The following RNF31 variants were observed in gnomAD, a reference collection of about 807,000 sequenced individuals.
RNF31 encodes the protein ring finger protein 31.
A neutral mutation model predicts 133.6 loss-of-function variants in RNF31; 38 were observed. That is an observed-to-expected ratio of 0.28 (90% CI 0.22 to 0.37). The LOEUF is 0.37. Ranked by LOEUF, RNF31 falls within the 10% of genes least tolerant of loss-of-function variation. The pLI, the probability that RNF31 is intolerant of heterozygous loss-of-function variation, is 1.00. For missense variants in RNF31, 1,118 were observed against 1,394.1 expected, an observed-to-expected ratio of 0.80 and a Z score of 3.15; for synonymous variants, 582 against 552.3, an observed-to-expected ratio of 1.05 and a Z score of -0.75.
chr14:24,150,029 T>G (rs2038238491), intron 6 of RNF31, 32 bp from the exon 7 acceptor site: 1 of 1,523,280 alleles, frequency 6.6e-7, no homozygotes, highest in South Asian at 1.3e-5. Flanking sequence ...CAGGTGCCAC[T>G]TCAGCAGGCC....
At chr14:24,149,106 G>T (rs2038224107) in intron 5 of RNF31, 1 of 602,160 alleles carries the variant, frequency 1.7e-6, no homozygotes, top group Admixed American at 3.0e-5. Context: ...TGGGATTACA[G>T]GCATGCGCCA....
chr14:24,157,761 C>T (rs1430564625), intron 16 of RNF31, 123 bp downstream of exon 16: 6 of 1,089,314 alleles, frequency 5.5e-6, no homozygotes, highest in Non-Finnish European at 8.4e-6. Context: ...AAGCACAACT[C>T]TCTGTCCCCT....
At chr14:24,149,631 G>A in intron 6 of RNF31, 48 bp downstream of exon 6, 1 of 1,561,048 alleles carries the variant, frequency 6.4e-7, no homozygotes, top group Non-Finnish European at 8.7e-7. Context: ...GAGAACTTAA[G>A]ATCACTTGAT....
rs369096849 is a variant in RNF31 at position 24,157,599 on chromosome 14, G to T, written c.2688G>T (p.Gln896His). 1 of 1,614,046 alleles carries T rather than the reference G, an allele frequency of 6.2e-7. No individual in the cohort carries two copies. The highest frequency in any genetic ancestry group is 8.5e-7 in the Non-Finnish European group (1 of 1,180,036). Residue 896 changes from glutamine to histidine, a missense_variant, in exon 16 of 21, where the codon CAG becomes CAT. Around this residue, in one of 3 missense-constraint regions of RNF31, gnomAD observed 201 missense variants for 371.7 expected, o/e 0.54. Transcript: ENST00000324103. The stretch of plus-strand genomic sequence containing the variant: ...TTCACTGTACCCAGTGCCGCCACCA[G>T]TTCTGCAGCGGCTGCTACAATGCCT... ...MHFHCTQCRH[Q>H]FCSGCYNAFY...
At position 24,155,832 on chromosome 14, in the gene RNF31, C is replaced by A; in HGVS notation, c.2493+140C>A. On this transcript the variant is annotated intron_variant, in intron 14 of 20. Coordinates refer to ENST00000324103, the MANE Select transcript of RNF31 (RefSeq NM_017999.5). The surrounding 1 kb of genome is among the most constrained non-coding windows in gnomAD (Gnocchi z 4.9). ...AGAGCTTACAGACTACTCAGAAAGA[C>A]TAGGCACAAGGAGAAAGGGAAGCAG... 6 of 663,600 alleles carry A rather than the reference C, an allele frequency of 9.0e-6. No homozygotes were observed. The highest frequency in any genetic ancestry group is 1.3e-5 in the Non-Finnish European group (5 of 379,304). The allele number at this position is 663,600 out of a possible 1,614,324, so 41.1% of individuals were successfully genotyped here.
chr14:24,148,091 C>A lies in RNF31; in HGVS notation c.308C>A (p.Pro103His), dbSNP rs766936649. 1.9e-5 allele frequency: 31 copies of A among 1,614,102 alleles called. No homozygotes were observed. The highest frequency in any genetic ancestry group is 2.5e-5 in the Non-Finnish European group (30 of 1,180,052). The change falls in exon 2 of 21, where the codon CCT (proline) becomes CAT (histidine). Residue 103 changes from proline (P) to histidine (H), a missense_variant. By Grantham distance (77) the Pro-to-His change is moderately conservative (BLOSUM62 -2). Transcript: ENST00000324103. The part of the protein sequence containing the change: ...RYWRGVKFNN[P>H]VFRSTVDAVQ... The stretch of plus-strand genomic sequence containing the variant: ...TGGCGTGGTGTCAAGTTTAATAACC[C>A]TGTCTTTCGCAGCACGGTGGATGCT...
chr14:24,147,947 T>C lies in RNF31; in HGVS notation c.193-29T>C. ...CCAGGGCCTGAGGCCCAGGCCACGCTCACACCTCTCTGCTCTCCTTGCTCC... is the reference window on the plus strand; with the variant it reads ...CCAGGGCCTGAGGCCCAGGCCACGCCCACACCTCTCTGCTCTCCTTGCTCC... On this transcript the variant is annotated intron_variant, in intron 1 of 20. Coordinates refer to ENST00000324103, the MANE Select transcript of RNF31 (RefSeq NM_017999.5). 3 of 1,614,014 alleles carry C rather than the reference T, an allele frequency of 1.9e-6. No individual in the cohort carries two copies. In the South Asian group the frequency reaches 3.3e-5, roughly 18 times the overall value.
intron 14 of RNF31, 70 bp from the exon 15 acceptor site, chr14:24,157,220 G>A: frequency 8.5e-7 from 1 of 1,174,314 alleles, no homozygotes; most frequent in Non-Finnish European, 1.2e-6. Flanking sequence ...GGATGTGAGT[G>A]GAGGGGCCAG....
chr14:24,157,608 C>T lies in RNF31; in HGVS notation c.2697C>T (p.Ser899=), dbSNP rs748945577. Residue 899 remains serine, a synonymous_variant, in exon 16 of 21, where the codon AGC becomes AGT. Transcript: ENST00000324103. The stretch of plus-strand genomic sequence containing the variant: ...CCCAGTGCCGCCACCAGTTCTGCAG[C>T]GGCTGCTACAATGCCTTTTACGCCA... ...HCTQCRHQFC[S]GCYNAFYAKN... The T allele has an allele frequency of 1.3e-5, 21 of 1,613,946 alleles. No individual in the cohort carries two copies. The highest frequency in any genetic ancestry group is 2.2e-5 in the South Asian group (2 of 91,088).
rs370396258 is a variant in RNF31, at chr14:24,158,029, GAGA to G, written c.2841+25_2841+27del. The stretch of plus-strand genomic sequence containing the variant: ...TGCTACAGGTCAGAGGTGGCCAGGA[GAGA>G]AGAAGACAGGGCCCAGGGTGGGCAA... On this transcript the variant is annotated intron_variant, in intron 17 of 20. Transcript: ENST00000324103. 2,791 of 1,613,390 alleles carry G rather than the reference GAGA, an allele frequency of 1.7e-3. 29 individuals carry two copies. In the African/African-American group the frequency reaches 0.025, roughly 14 times the overall value.
At chr14:24,148,192 G>T in intron 2 of RNF31, 66 bp from the exon 3 acceptor site, 2 of 1,613,062 alleles carry the variant, frequency 1.2e-6, no homozygotes, top group Non-Finnish European at 8.5e-7. Flanking sequence ...TGTGCTGAAT[G>T]GGAAGGGGTC....
intron 18 of RNF31, 110 bp from the exon 19 acceptor site, chr14:24,159,754 G>A: frequency 1.2e-6 from 1 of 820,872 alleles, no homozygotes; most frequent in Non-Finnish European, 2.0e-6. Flanking sequence ...GAGTTGCTGT[G>A]CTCGGTCCCT....
intron 5 of RNF31, 107 bp from the exon 6 acceptor site, chr14:24,149,299 G>A (rs1238442787): frequency 8.7e-7 from 1 of 1,150,066 alleles, no homozygotes; most frequent in East Asian, 2.4e-5. Flanking sequence ...TTGTTTCCTT[G>A]GGTCCAGATG....
Position 24,150,036 on chromosome 14 carries a change from G to A in RNF31, c.810-25G>A, listed in dbSNP as rs572923136. 38 of 1,533,584 alleles carry A rather than the reference G, an allele frequency of 2.5e-5. No individual in the cohort carries two copies. In the African/African-American group the frequency reaches 5.0e-4, roughly 20 times the overall value. The allele number at this position is 1,533,584 out of a possible 1,614,324, so 95.0% of individuals were successfully genotyped here. A position where few individuals can be genotyped will look rare whatever the true frequency, so the allele number is the denominator to read the frequency against. On this transcript the variant is annotated intron_variant, in intron 6 of 20. Coordinates refer to ENST00000324103, the MANE Select transcript of RNF31 (RefSeq NM_017999.5). ...CCAGGCACCAGGTGCCACTTCAGCA[G>A]GCCATGTCTGCTTTTCCATTACAGT...
intron 18 of RNF31, among the ~76,000 whole-genome samples, chr14:24,158,415 A>T (rs1342521335): frequency 6.6e-6 from 1 of 152,248 alleles, no homozygotes; most frequent in Non-Finnish European, 1.5e-5. Flanking sequence ...AGAACCTGGT[A>T]CCCAAGAAGG....
chr14:24,147,914 G>A, intron 1 of RNF31, 24 bp downstream of exon 1: 1 of 1,612,734 alleles, frequency 6.2e-7, no homozygotes, highest in Non-Finnish European at 8.5e-7. Flanking sequence ...CCGCTTGGAA[G>A]GGGGACACCA....
At chr14:24,149,139 T>C (rs1448365115) in intron 5 of RNF31, 4 of 593,830 alleles carry the variant, frequency 6.7e-6, no homozygotes, top group Admixed American at 6.1e-5. Flanking sequence ...AATTTTGTAT[T>C]TTTGGTAGAG....
intron 2 of RNF31, 33 bp downstream of exon 2, chr14:24,148,155 G>A (rs1269814259): frequency 6.2e-7 from 1 of 1,613,692 alleles, no homozygotes; most frequent in Non-Finnish European, 8.5e-7. Flanking sequence ...AGAGGGGGCT[G>A]GGGTTTGGCT....
At chr14:24,147,378 C>G, upstream of RNF31, 1 of 265,994 alleles carries the variant, frequency 3.8e-6, no homozygotes, top group Non-Finnish European at 7.0e-6. Context: ...TTTGCCTTCT[C>G]ATTGGTTGGG....
Sources: allele counts gnomAD v4.1 joint callset (sites outside exome capture counted in the v4.1 genomes callset), GRCh38; gene constraint gnomAD v4.1.1; regional missense constraint gnomAD v4.1.1; non-coding constraint Gnocchi (gnomAD v3.1); transcripts MANE v1.5; gene names NCBI Gene and HGNC (gene_info 2026-07-23, HGNC 2026-07-21).